The following COL4A5 variants were observed in gnomAD, a reference collection of about 807,000 sequenced individuals.
The protein encoded by COL4A5 is collagen alpha-5(IV) chain.
COL4A5 carries 26 observed loss-of-function variants against 130.2 expected under a neutral mutation model. The observed-to-expected ratio is 0.20, with a 90% CI of 0.15 to 0.28. The LOEUF is 0.28. Among genes scored for constraint, COL4A5 ranks in the 10% least tolerant of loss-of-function variants. The pLI, the probability that COL4A5 is intolerant of heterozygous loss-of-function variation, is 1.00. For synonymous variants in COL4A5, 496 were observed against 439.6 expected (o/e 1.13, Z -1.60); for missense variants, 1,131 against 1,344.3 (o/e 0.84, Z 2.48).
intron 1 of COL4A5, among the ~76,000 whole-genome samples, chrX:108,443,286 A>T (rs757714674): frequency 1.5e-4 from 17 of 112,374 alleles, no homozygotes; most frequent in African/African-American, 5.5e-4. Flanking sequence ...TGAAGGTTTT[A>T]TGATTTTATG....
intron 22 of COL4A5, among the ~76,000 whole-genome samples, chrX:108,596,456 A>G (rs926671483): frequency 4.5e-5 from 5 of 111,984 alleles, no homozygotes; most frequent in Non-Finnish European, 9.4e-5. Context: ...ATTAGTAGCC[A>G]GGTGGTGATG....
At chrX:108,454,438 C>T (rs1177682721) in intron 1 of COL4A5, among the ~76,000 whole-genome samples, 1 of 110,763 alleles carries the variant, frequency 9.0e-6, no homozygotes, top group Non-Finnish European at 1.9e-5. Context: ...CCACCACACC[C>T]AGCTAATTTT....
At chrX:108,658,602 T>C (rs1309627934) in intron 37 of COL4A5, among the ~76,000 whole-genome samples, 2 of 111,512 alleles carry the variant, frequency 1.8e-5, no homozygotes, top group African/African-American at 6.5e-5. Context: ...TATATTACTA[T>C]TCAGATGATT....
chrX:108,669,039 A>G (rs1318189419), intron 41 of COL4A5, among the ~76,000 whole-genome samples: 2 of 112,162 alleles, frequency 1.8e-5, no homozygotes, highest in South Asian at 3.7e-4. Flanking sequence ...ACATCACAGC[A>G]TGATCAAATT....
intron 1 of COL4A5, among the ~76,000 whole-genome samples, chrX:108,488,838 A>G (rs2064970513): frequency 9.0e-6 from 1 of 111,459 alleles, no homozygotes; most frequent in Non-Finnish European, 1.9e-5. Context: ...GATTCCAAAG[A>G]GCATATTTAG....
In COL4A5 at chrX:108,440,110, C is replaced by G. The variant is rs372416097; in HGVS notation, c.-16C>G. 2 of 1,194,705 alleles carry G rather than the reference C, an allele frequency of 1.7e-6. No individual in the cohort carries two copies. The highest frequency in any genetic ancestry group is 2.3e-6 in the Non-Finnish European group (2 of 881,912). On this transcript the variant is annotated 5_prime_UTR_variant, in exon 1 of 53. Coordinates refer to ENST00000328300, the MANE Select transcript of COL4A5 (RefSeq NM_033380.3). ...TTTCGTGCGGGTGCTGAAGGAGCTG[C>G]GGGAGCCGGAGAAGAATGAAACTGC...
chrX:108,681,484 C>T (rs1383762594), intron 46 of COL4A5, among the ~76,000 whole-genome samples: 2 of 110,940 alleles, frequency 1.8e-5, no homozygotes, highest in East Asian at 5.7e-4. Flanking sequence ...CAGATTTGAA[C>T]ACAGATGGAT....
Position 108,667,159 on chromosome X carries a change from C to T in COL4A5, c.3580C>T (p.Pro1194Ser). ...PGQPGFGNPG[P>S]PGLPGLSGQK... is the part of the protein sequence containing the mutation. Reference sequence around the variant, plus strand: ...TCAACCAGGCTTTGGAAACCCAGGACCCCCTGGACTTCCAGGACTTTCTGG... The same window carrying T: ...TCAACCAGGCTTTGGAAACCCAGGATCCCCTGGACTTCCAGGACTTTCTGG... The change falls in exon 40 of 53, where the codon CCC becomes TCC. Residue 1194 changes from proline (P) to serine (S), a missense_variant. Pro to Ser is a moderately conservative substitution (Grantham distance 74). Coordinates refer to ENST00000328300, the MANE Select transcript of COL4A5 (RefSeq NM_033380.3). 2 of 1,209,426 alleles carry T rather than the reference C, an allele frequency of 1.7e-6. No individual in the cohort carries two copies. Among genetic ancestry groups the T allele is most frequent in the African/African-American group, 1.7e-5 (1 of 57,737 alleles).
intron 1 of COL4A5, among the ~76,000 whole-genome samples, chrX:108,492,280 G>T (rs1167872265): frequency 9.0e-6 from 1 of 111,629 alleles, no homozygotes; most frequent in Non-Finnish European, 1.9e-5. Flanking sequence ...GGAAATTTCT[G>T]TTTCAAATCA....
At chrX:108,539,315 G>A (rs2065501332) in intron 1 of COL4A5, among the ~76,000 whole-genome samples, 1 of 111,772 alleles carries the variant, frequency 8.9e-6, no homozygotes, top group South Asian at 3.7e-4. Context: ...TAATGAAGAG[G>A]TAAAGGGTAG....
At chrX:108,462,774 G>A (rs1421780129) in intron 1 of COL4A5, 2 of 112,688 alleles carry the variant, frequency 1.8e-5, no homozygotes, top group Non-Finnish European at 3.7e-5. Flanking sequence ...TTTCTTAAAG[G>A]AGAACTTCAG....
At chrX:108,598,942 G>A in intron 25 of COL4A5, 72 bp downstream of exon 25, 1 of 1,071,294 alleles carries the variant, frequency 9.3e-7, no homozygotes, top group Middle Eastern at 3.4e-4. Flanking sequence ...GCTACTCATG[G>A]CTTCCTTTCC....
intron 29 of COL4A5, among the ~76,000 whole-genome samples, chrX:108,608,096 A>G (rs2066766712): frequency 9.0e-6 from 1 of 111,184 alleles, no homozygotes. Context: ...ATGAAAAAGG[A>G]TTTTCTGAAT....
At chrX:108,621,134 T>C (rs2067038829) in intron 31 of COL4A5, among the ~76,000 whole-genome samples, 1 of 101,424 alleles carries the variant, frequency 9.9e-6, no homozygotes, top group South Asian at 4.7e-4. Flanking sequence ...CCTCTCTTTC[T>C]TTCTCTCTCT....
intron 1 of COL4A5, among the ~76,000 whole-genome samples, chrX:108,500,156 A>G (rs1230681495): frequency 8.9e-6 from 1 of 112,137 alleles, no homozygotes; most frequent in Non-Finnish European, 1.9e-5. Flanking sequence ...AAAATGGATA[A>G]TTTCTTAAGC....
At chrX:108,552,285 T>C (rs567421606) in intron 2 of COL4A5, among the ~76,000 whole-genome samples, 13 of 112,339 alleles carry the variant, frequency 1.2e-4, no homozygotes, top group Middle Eastern at 9.2e-3. Context: ...TCTGCATAAT[T>C]CCTTTGAGAA....
At chrX:108,476,300 G>C (rs2064832308) in intron 1 of COL4A5, among the ~76,000 whole-genome samples, 1 of 110,292 alleles carries the variant, frequency 9.1e-6, no homozygotes. Flanking sequence ...TGGGTACATA[G>C]TAGGTATATT....
chrX:108,526,697 CTT>C (rs2065328392), intron 1 of COL4A5, among the ~76,000 whole-genome samples: 1 of 86,054 alleles, frequency 1.2e-5, no homozygotes, highest in Non-Finnish European at 2.3e-5. Context: ...TTCTTTCTTT[CTT>C]TCTTTCTTTC....
At chrX:108,519,834 T>TC (rs1172549921) in intron 1 of COL4A5, among the ~76,000 whole-genome samples, 1 of 111,210 alleles carries the variant, frequency 9.0e-6, no homozygotes, top group Non-Finnish European at 1.9e-5. Flanking sequence ...GGTCTTTTTT[T>TC]ATTTTCTGAT....
Sources: gnomAD v4.1 joint callset for allele counts (sites outside exome capture counted in the v4.1 genomes callset) on GRCh38, gnomAD v4.1.1 for gene constraint, MANE v1.5 for transcripts, NCBI Gene and HGNC (gene_info 2026-07-23, HGNC 2026-07-21) for gene names.